XXYLT1: variants seen among roughly 807,000 people sequenced by gnomAD.
XXYLT1 encodes the protein xyloside xylosyltransferase 1.
XXYLT1 carries 20 observed loss-of-function variants against 28.9 expected under a neutral mutation model. The ratio of observed to expected loss-of-function variants is 0.69; its 90% CI spans 0.49 to 1.00. The LOEUF is 1.00. Among genes scored for constraint, XXYLT1 ranks in the 50% least tolerant of loss-of-function variants. The pLI is 0.00. For synonymous variants in XXYLT1, 257 were observed against 253.8 expected, an observed-to-expected ratio of 1.01 and a Z score of -0.12; for missense variants, 542 against 560.1, an observed-to-expected ratio of 0.97 and a Z score of 0.33.
At chr3:195,114,204 C>T (rs567017938) in intron 3 of XXYLT1, among the ~76,000 whole-genome samples, 11 of 152,338 alleles carry the variant, frequency 7.2e-5, no homozygotes, top group South Asian at 6.2e-4. Flanking sequence ...CCAGTCCACA[C>T]GCTTCCAGGG....
intron 3 of XXYLT1, among the ~76,000 whole-genome samples, chr3:195,073,960 G>C (rs981388092): frequency 2.6e-5 from 4 of 152,162 alleles, no homozygotes; most frequent in Admixed American, 2.0e-4. Flanking sequence ...GGGCTCTCGA[G>C]AGAGCCGGGC....
chr3:195,216,337 C>A (rs1723571017), intron 2 of XXYLT1, among the ~76,000 whole-genome samples: 1 of 145,168 alleles, frequency 6.9e-6, no homozygotes, highest in Non-Finnish European at 1.5e-5. Flanking sequence ...GAAATAGAGA[C>A]ACAAAAAACC....
chr3:195,162,003 C>T (rs1459342694), intron 2 of XXYLT1, among the ~76,000 whole-genome samples: 1 of 151,596 alleles, frequency 6.6e-6, no homozygotes, highest in Non-Finnish European at 1.5e-5. Context: ...GCAGGAGGAT[C>T]ACTTGAGCTC....
chr3:195,179,557 T>G lies in XXYLT1; in HGVS notation c.653-22976A>C, dbSNP rs1024165690. ...ACTTGAACACTGGCCAAAGAATCAGTCGGCTGAAGAGGCCTGCGTGTGTGG... is the reference window on the plus strand; with the variant it reads ...ACTTGAACACTGGCCAAAGAATCAGGCGGCTGAAGAGGCCTGCGTGTGTGG... On this transcript the variant is annotated intron_variant, in intron 2 of 3. Transcript: ENST00000310380. Among the ~76,000 whole-genome samples, 27 of 151,968 alleles carry G rather than the reference T, an allele frequency of 1.8e-4. 1 individual carries two copies. The highest frequency in any genetic ancestry group is 3.4e-4 in the Non-Finnish European group (23 of 68,004).
chr3:195,165,205 C>T (rs1481465217), intron 2 of XXYLT1, among the ~76,000 whole-genome samples: 1 of 152,174 alleles, frequency 6.6e-6, no homozygotes, highest in Non-Finnish European at 1.5e-5. Context: ...CAGTTCCTCT[C>T]CCCCAGCAGA....
chr3:195,251,874 C>T (rs554866160), intron 1 of XXYLT1, among the ~76,000 whole-genome samples: 4 of 152,284 alleles, frequency 2.6e-5, no homozygotes, highest in African/African-American at 9.6e-5. Flanking sequence ...ACCCAGCAGC[C>T]CCTTCCAGGC....
intron 2 of XXYLT1, among the ~76,000 whole-genome samples, chr3:195,199,471 CATG>C (rs1722761529): frequency 6.6e-6 from 1 of 152,004 alleles, no homozygotes. Flanking sequence ...ATTAGCCAGG[CATG>C]GTGGTGGGCG....
intron 2 of XXYLT1, among the ~76,000 whole-genome samples, chr3:195,160,400 C>T (rs541594541): frequency 6.6e-6 from 1 of 152,260 alleles, no homozygotes; most frequent in South Asian, 2.1e-4. Flanking sequence ...CACTGCAGAG[C>T]ATCAGCCCAA....
intron 3 of XXYLT1, among the ~76,000 whole-genome samples, chr3:195,142,040 C>T (rs1411326493): frequency 6.6e-6 from 1 of 152,224 alleles, no homozygotes; most frequent in Non-Finnish European, 1.5e-5. Flanking sequence ...ATAGAGAACA[C>T]GATGCTGACC....
At position 195,226,753 on chromosome 3, in the gene XXYLT1, G is replaced by C. The variant is rs1724071223; in HGVS notation, c.608C>G (p.Ser203Cys). The change falls in exon 2 of 4, where the codon TCC (serine) becomes TGC (cysteine). Residue 203 changes from serine to cysteine, a missense_variant. Coordinates refer to ENST00000310380, the MANE Select transcript of XXYLT1 (RefSeq NM_152531.5). ...CATGGCGACCGAGAGGAAGAAGATG[G>C]AGTCACTGTAGTAGGTTCCCAAGCC... ...SAGLGTYYSD[S>C]IFFLSVAMHQ... The C allele has an allele frequency of 6.2e-7, 1 of 1,613,914 alleles. No homozygotes were observed. Among genetic ancestry groups the C allele is most frequent in the Non-Finnish European group, 8.5e-7 (1 of 1,179,978 alleles).
Position 195,209,018 on chromosome 3 carries a change from A to G in XXYLT1, c.652+17691T>C, listed in dbSNP as rs1182288312. On this transcript the variant is annotated intron_variant, in intron 2 of 3. Transcript: ENST00000310380. The surrounding 1 kb of genome is among the most constrained non-coding windows in gnomAD (Gnocchi z 5.0). Reference sequence around the variant, plus strand: ...CTTATTATGTGATCAATGATGCTTTAAAAGAAAAAATACTGTACCTGACTC... The same window carrying G: ...CTTATTATGTGATCAATGATGCTTTGAAAGAAAAAATACTGTACCTGACTC... Among the ~76,000 whole-genome samples, 1 of 152,212 alleles carries G rather than the reference A, an allele frequency of 6.6e-6. No individual in the cohort carries two copies. The highest frequency in any genetic ancestry group is 2.4e-5 in the African/African-American group (1 of 41,446).
intron 3 of XXYLT1, among the ~76,000 whole-genome samples, chr3:195,084,717 C>T (rs1715626264): frequency 6.6e-6 from 1 of 152,196 alleles, no homozygotes; most frequent in Non-Finnish European, 1.5e-5. Flanking sequence ...CCACTACACA[C>T]GATCACAGGA....
intron 1 of XXYLT1, chr3:195,248,017 G>T: frequency 1.9e-6 from 1 of 530,426 alleles, no homozygotes; most frequent in Admixed American, 3.4e-5. Flanking sequence ...GGTGAGATTT[G>T]GGTGGAGACA....
At position 195,069,545 on chromosome 3, in the gene XXYLT1, G is replaced by C. The variant is rs1358372244; in HGVS notation, c.*170C>G. Reference sequence around the variant, plus strand: ...CCAGCAGTGCACAGGCCAGTCCTTGGCGGGTGGCCTCAGCACAGTGACCTG... The same window carrying C: ...CCAGCAGTGCACAGGCCAGTCCTTGCCGGGTGGCCTCAGCACAGTGACCTG... On this transcript the variant is annotated 3_prime_UTR_variant, in exon 4 of 4. Transcript: ENST00000310380. The C allele has an allele frequency of 8.7e-6, 8 of 922,018 alleles. No homozygotes were observed. The highest frequency in any genetic ancestry group is 1.3e-5 in the Non-Finnish European group (8 of 619,538). 57.1% of individuals were successfully genotyped at this position (922,018 alleles called of 1,614,324 possible).
At chr3:195,081,232 C>T (rs867090488) in intron 3 of XXYLT1, among the ~76,000 whole-genome samples, 1 of 148,592 alleles carries the variant, frequency 6.7e-6, no homozygotes, top group Non-Finnish European at 1.5e-5. Context: ...AAAAAAAAAG[C>T]GTTTTTATGA....
intron 1 of XXYLT1, among the ~76,000 whole-genome samples, chr3:195,267,801 C>G (rs1725890329): frequency 1.3e-5 from 2 of 152,094 alleles, no homozygotes; most frequent in Admixed American, 1.3e-4. Context: ...AAGCTGAGTA[C>G]CAAGGATGGA....
chr3:195,121,105 G>C (rs1560106615), intron 3 of XXYLT1, among the ~76,000 whole-genome samples: 1 of 152,182 alleles, frequency 6.6e-6, no homozygotes, highest in African/African-American at 2.4e-5. Flanking sequence ...AAACACCCGG[G>C]AACCACAGCA....
chr3:195,226,709 C>A lies in XXYLT1; in HGVS notation c.652G>T (p.Glu218Ter), dbSNP rs1212925784. The change falls in exon 2 of 4, where the codon GAG (glutamate) becomes TAG (stop). Residue 218 changes from glutamate to a stop codon, truncating the protein, a stop_gained and splice_region_variant. Coordinates refer to ENST00000310380, the MANE Select transcript of XXYLT1 (RefSeq NM_152531.5). LOFTEE classifies it high-confidence loss of function. ...TATTGCTCCTGGAAGCCCAGGTTAC[C>A]TTTGGGCATGATCTGATGCATGGCG... ...SVAMHQIMPK[E>*]ILQIIQLDLD... 1 of 1,611,270 alleles carries A rather than the reference C, an allele frequency of 6.2e-7. No homozygotes were observed. Among genetic ancestry groups the A allele is most frequent in the East Asian group, 2.2e-5 (1 of 44,836 alleles).
At chr3:195,237,477 GCTT>G (rs1394188006) in intron 1 of XXYLT1, among the ~76,000 whole-genome samples, 4 of 152,012 alleles carry the variant, frequency 2.6e-5, no homozygotes, top group African/African-American at 7.3e-5. Context: ...CCTCTGCAGT[GCTT>G]CTTTCGGTAA....
Sources: gnomAD v4.1 joint callset for allele counts (sites outside exome capture counted in the v4.1 genomes callset) on GRCh38, gnomAD v4.1.1 for gene constraint, Gnocchi (gnomAD v3.1) non-coding constraint, MANE v1.5 for transcripts, NCBI Gene and HGNC (gene_info 2026-07-23, HGNC 2026-07-21) for gene names.